The following TMEM201 variants were observed in gnomAD, a reference collection of about 807,000 sequenced individuals.
The protein encoded by TMEM201 is RP13-15M17.2.
A neutral mutation model predicts 63.4 loss-of-function variants in TMEM201; 26 were observed. That is an observed-to-expected ratio of 0.41 (90% CI 0.30 to 0.57). TMEM201 has a LOEUF of 0.57. Among genes scored for constraint, TMEM201 ranks in the 20% least tolerant of loss-of-function variants. The probability of loss-of-function intolerance (pLI) is 0.29; values close to 1 mark genes in which losing one functional copy is unlikely to be tolerated. For synonymous variants in TMEM201, 417 were observed against 421.6 expected (o/e 0.99, Z 0.14); for missense variants, 794 against 917.7 (o/e 0.87, Z 1.74).
intron 2 of TMEM201, among the ~76,000 whole-genome samples, chr1:9,596,308 C>T (rs529770649): frequency 9.8e-4 from 150 of 152,396 alleles, no homozygotes; most frequent in African/African-American, 3.5e-3. Context: ...CCAGGTCTTT[C>T]TGGCTCTGCA....
intron 10 of TMEM201, among the ~76,000 whole-genome samples, 156 bp from the exon 11 acceptor site, chr1:9,612,830 G>T (rs1213367821): frequency 6.6e-6 from 1 of 152,184 alleles, no homozygotes; most frequent in African/African-American, 2.4e-5. Context: ...GAAGCCTTTG[G>T]CCAAGAGAAG....
chr1:9,604,419 T>G lies in TMEM201; in HGVS notation c.1160+2147T>G. 1 of 985,440 alleles carries G rather than the reference T, an allele frequency of 1.0e-6. No individual in the cohort carries two copies. The highest frequency in any genetic ancestry group is 1.2e-6 in the Non-Finnish European group (1 of 829,926). The allele number at this position is 985,440 out of a possible 1,614,324, so 61.0% of individuals were successfully genotyped here. On this transcript the variant is annotated intron_variant, in intron 6 of 10. Transcript: ENST00000340381. This position sits in a 1 kb window ranked among gnomAD's most constrained non-coding sequence, Gnocchi z 4.1. ...TGTGTGACTTTTTAAATTATTCATG[T>G]GTCCCTTAAAAGTTTCACTACGTGG...
At chr1:9,599,396 C>T (rs979805543) in intron 4 of TMEM201, among the ~76,000 whole-genome samples, 1 of 147,824 alleles carries the variant, frequency 6.8e-6, no homozygotes, top group African/African-American at 2.5e-5. Context: ...TACAGGCACG[C>T]ATCACCACAG....
At position 9,602,084 on chromosome 1, in the gene TMEM201, T is replaced by C. The variant is rs1379952883; in HGVS notation, c.972T>C (p.Asp324=). The change falls in exon 6 of 11, where the codon GAT becomes GAC. Residue 324 remains aspartate, a synonymous_variant. Transcript: ENST00000340381. ...LAGRIRLRRI[D]AFCTCLWALL... ...TCCCTTTCAGGCTCCGGAGGATCGA[T>C]GCCTTCTGCACCTGCCTGTGGGCCC... is the stretch of plus-strand genomic sequence containing the variant. The C allele has an allele frequency of 1.2e-5, 19 of 1,611,834 alleles. No homozygotes were observed. Among genetic ancestry groups the C allele is most frequent in the Non-Finnish European group, 1.5e-5 (18 of 1,179,272 alleles).
chr1:9,598,550 C>A lies in TMEM201; in HGVS notation c.531C>A (p.His177Gln). ...CGGCTGTGGAGTACTACATCAAGCACCAGAACCGCCAGCTGCGCGCCCTGT... is the reference window on the plus strand; with the variant it reads ...CGGCTGTGGAGTACTACATCAAGCAACAGAACCGCCAGCTGCGCGCCCTGT... ...CQAAVEYYIK[H>Q]QNRQLRALLL... The change falls in exon 4 of 11, where the codon CAC becomes CAA. Residue 177 changes from histidine (H) to glutamine (Q), a missense_variant. His to Gln is a conservative substitution (Grantham distance 24). Transcript: ENST00000340381. 1 of 1,613,722 alleles carries A rather than the reference C, an allele frequency of 6.2e-7. No individual in the cohort carries two copies. Among genetic ancestry groups the A allele is most frequent in the Non-Finnish European group, 8.5e-7 (1 of 1,180,028 alleles).
Position 9,612,916 on chromosome 1 carries a change from A to T in TMEM201, c.1904-70A>T, listed in dbSNP as rs1436236191. 4 of 1,347,962 alleles carry T rather than the reference A, an allele frequency of 3.0e-6. No homozygotes were observed. The South Asian group carries it at 3.8e-5, about 13-fold the overall frequency. 83.5% of individuals were successfully genotyped at this position (1,347,962 alleles called of 1,614,324 possible). ...GAGCTCCCCACAAACTGCATGCTCT[A>T]GGGGGCTGCTCAGCTGCACAGCGAA... On this transcript the variant is annotated intron_variant, in intron 10 of 10. Coordinates refer to ENST00000340381, the MANE Select transcript of TMEM201 (RefSeq NM_001130924.3).
At chr1:9,612,468 T>C (rs1644338296) in intron 10 of TMEM201, among the ~76,000 whole-genome samples, 1 of 152,106 alleles carries the variant, frequency 6.6e-6, no homozygotes, top group African/African-American at 2.4e-5. Flanking sequence ...TTGAGGGAGA[T>C]GGACAGATCA....
rs1644226443 is a variant in TMEM201, at chr1:9,605,492, G to A, written c.1161-2065G>A. ...CGCCAAAGGAAATGTTAGCACCTTT[G>A]GAGTTCTCCAGGGTCCAACAGATTG... On this transcript the variant is annotated intron_variant, in intron 6 of 10. Transcript: ENST00000340381. The surrounding 1 kb of genome is among the most constrained non-coding windows in gnomAD (Gnocchi z 5.7). Among the ~76,000 whole-genome samples, 1 of 152,248 alleles carries A rather than the reference G, an allele frequency of 6.6e-6. No homozygotes were observed. Among genetic ancestry groups the A allele is most frequent in the African/African-American group, 2.4e-5 (1 of 41,468 alleles).
intron 1 of TMEM201, among the ~76,000 whole-genome samples, chr1:9,593,872 G>A (rs1002768026): frequency 1.3e-5 from 2 of 152,206 alleles, no homozygotes; most frequent in African/African-American, 2.4e-5. Flanking sequence ...ATCAGGACAC[G>A]CCCCCATGCA....
chr1:9,588,957 C>G lies in TMEM201; in HGVS notation c.27C>G (p.Ala9=), dbSNP rs1643873193. ...TGGAGGGAGTGAGCGCGCTGCTGGC[C>G]CGCTGCCCCACGGCCGGCCTGGCCG... is the stretch of plus-strand genomic sequence containing the variant. MEGVSALL[A]RCPTAGLAGG... Residue 9 remains alanine, a synonymous_variant, in exon 1 of 11, where the codon GCC becomes GCG. Coordinates refer to ENST00000340381, the MANE Select transcript of TMEM201 (RefSeq NM_001130924.3). 1 of 1,273,126 alleles carries G rather than the reference C, an allele frequency of 7.9e-7. No homozygotes were observed. The highest frequency in any genetic ancestry group is 4.6e-5 in the East Asian group (1 of 21,654). The allele number at this position is 1,273,126 out of a possible 1,614,324, so 78.9% of individuals were successfully genotyped here.
intron 1 of TMEM201, among the ~76,000 whole-genome samples, chr1:9,593,713 G>T (rs890811009): frequency 2.0e-5 from 3 of 152,206 alleles, no homozygotes; most frequent in African/African-American, 7.2e-5. Flanking sequence ...GGTCCCCTAG[G>T]CAGGCTCAAG....
chr1:9,597,770 G>A (rs892288197), intron 3 of TMEM201, among the ~76,000 whole-genome samples: 1 of 152,196 alleles, frequency 6.6e-6, no homozygotes, highest in Admixed American at 6.5e-5. Flanking sequence ...CAGGGATGGG[G>A]AACCTGCGAG....
rs769175920 is a variant in TMEM201, at chr1:9,605,456, G to A, written c.1161-2101G>A. On this transcript the variant is annotated intron_variant, in intron 6 of 10. Coordinates refer to ENST00000340381, the MANE Select transcript of TMEM201 (RefSeq NM_001130924.3). The surrounding 1 kb of genome is among the most constrained non-coding windows in gnomAD (Gnocchi z 5.7). ...TGGTTTGAGGGCACAGGGCAGTCGG[G>A]GGGGGTCTCTCGCCAAAGGAAATGT... Among the ~76,000 whole-genome samples, 23 of 148,762 alleles carry A rather than the reference G, an allele frequency of 1.5e-4. No homozygotes were observed. Among genetic ancestry groups the A allele is most frequent in the Admixed American group, 9.3e-4 (14 of 15,118 alleles).
Position 9,611,877 on chromosome 1 carries a change from C to T in TMEM201, c.1890C>T (p.Ala630=), listed in dbSNP as rs4073292. ...CCACCAGGGGCTGCTCGGAGGAGGC[C>T]GCCACCTGGAGAGGTCTGTACCCTG... ...DTTTRGCSEE[A]ATWRGRFGPS... Residue 630 remains alanine (A), a synonymous_variant, in exon 10 of 11, where the codon GCC becomes GCT. Coordinates refer to ENST00000340381, the MANE Select transcript of TMEM201 (RefSeq NM_001130924.3). 0.013 allele frequency: 19,907 copies of T among 1,548,588 alleles called. 2,044 individuals are homozygous for T. The African/African-American group carries it at 0.23, about 18-fold the overall frequency.
chr1:9,596,020 A>G lies in TMEM201; in HGVS notation c.234+10A>G, dbSNP rs1401539833. 1.2e-6 allele frequency: 2 copies of G among 1,611,386 alleles called. No individual in the cohort carries two copies. The highest frequency in any genetic ancestry group is 8.5e-7 in the Non-Finnish European group (1 of 1,179,860). ...CAACGGCTTCCAGGAGGTGTGGGTCACAGGCAGGCGGACGGGTGGGCACGC... is the reference window on the plus strand; with the variant it reads ...CAACGGCTTCCAGGAGGTGTGGGTCGCAGGCAGGCGGACGGGTGGGCACGC... On this transcript the variant is annotated intron_variant, in intron 2 of 10. Coordinates refer to ENST00000340381, the MANE Select transcript of TMEM201 (RefSeq NM_001130924.3).
chr1:9,592,071 G>A (rs960721075), intron 1 of TMEM201, among the ~76,000 whole-genome samples: 13 of 152,258 alleles, frequency 8.5e-5, no homozygotes, highest in African/African-American at 3.1e-4. Flanking sequence ...ATGGTGGATT[G>A]GGGCGTTTTC....
At position 9,613,729 on chromosome 1, in the gene TMEM201, C is replaced by G. The variant is rs912695155; in HGVS notation, c.*646C>G. ...CCCCACCCTCCCCTGCCCCATGTGC[C>G]CTGCTTTGTGACCTCTGTTGACCTT... On this transcript the variant is annotated 3_prime_UTR_variant, in exon 11 of 11. Transcript: ENST00000340381. 1 of 152,628 alleles carries G rather than the reference C, an allele frequency of 6.6e-6. No homozygotes were observed. Among genetic ancestry groups the G allele is most frequent in the Non-Finnish European group, 1.5e-5 (1 of 68,394 alleles). The allele number at this position is 152,628 out of a possible 1,614,324, so 9.5% of individuals were successfully genotyped here. A position where few individuals can be genotyped will look rare whatever the true frequency, so the allele number is the denominator to read the frequency against.
chr1:9,594,046 G>A (rs917087203), intron 1 of TMEM201, among the ~76,000 whole-genome samples: 2 of 152,216 alleles, frequency 1.3e-5, no homozygotes, highest in Admixed American at 6.5e-5. Flanking sequence ...GCCCGGTGGC[G>A]CTGTCCTAAT....
rs757305632 is a variant in TMEM201 at position 9,598,616 on chromosome 1, C to T, written c.597C>T (p.Thr199=). ...HQFKRREADQ[T]HAQNFSSAVK... is the part of the protein sequence containing the mutation. ...TCAAGCGCCGGGAGGCCGACCAGACCCACGCACAGGTGAGAGGCGGCATCC... is the reference window on the plus strand; with the variant it reads ...TCAAGCGCCGGGAGGCCGACCAGACTCACGCACAGGTGAGAGGCGGCATCC... The change falls in exon 4 of 11, where the codon ACC becomes ACT. Residue 199 remains threonine (T), a synonymous_variant. Transcript: ENST00000340381. 1.2e-6 allele frequency: 2 copies of T among 1,612,864 alleles called. No homozygotes were observed. The highest frequency in any genetic ancestry group is 8.5e-7 in the Non-Finnish European group (1 of 1,179,732).
Sources: gnomAD v4.1 joint callset for allele counts (sites outside exome capture counted in the v4.1 genomes callset) on GRCh38, gnomAD v4.1.1 for gene constraint, Gnocchi (gnomAD v3.1) non-coding constraint, MANE v1.5 for transcripts, NCBI Gene and HGNC (gene_info 2026-07-23, HGNC 2026-07-21) for gene names.